The following CDON variants were observed in gnomAD, a reference collection of about 807,000 sequenced individuals.
The protein encoded by CDON is cell adhesion molecule-related/down-regulated by oncogenes.
CDON carries 73 observed loss-of-function variants against 120.9 expected under a neutral mutation model. The observed-to-expected ratio is 0.60, with a 90% confidence interval of 0.50 to 0.73. The LOEUF is 0.73. Ranked by LOEUF, CDON falls within the 30% of genes least tolerant of loss-of-function variation. The pLI is 0.00. For missense variants in CDON, 1,470 were observed against 1,587.3 expected, an observed-to-expected ratio of 0.93 and a Z score of 1.26; for synonymous variants, 566 against 573.5, an observed-to-expected ratio of 0.99 and a Z score of 0.19.
At chr11:125,970,172 GTTTTTTTTTT>G (rs36021097) in intron 18 of CDON, among the ~76,000 whole-genome samples, 1 of 103,186 alleles carries the variant, frequency 9.7e-6, no homozygotes, top group Non-Finnish European at 2.0e-5. Context: ...GGTAGTTTAT[GTTTTTTTTTT>G]TTTTTTTTTT....
Position 126,024,689 on chromosome 11 carries a change from T to C in CDON, c.-61-1152A>G, listed in dbSNP as rs148727178. Among the ~76,000 whole-genome samples, 579 of 152,208 alleles carry C rather than the reference T, an allele frequency of 3.8e-3. 5 individuals are homozygous for C. The highest frequency in any genetic ancestry group is 0.013 in the African/African-American group (529 of 41,518). On this transcript the variant is annotated intron_variant, in intron 1 of 19. Transcript: ENST00000531738. Reference sequence around the variant, plus strand: ...AGTTGCATGTGTGAGTGTGGAGCTGTAGGAAGAAGTCAGAGCTGGAAATGT... The same window carrying C: ...AGTTGCATGTGTGAGTGTGGAGCTGCAGGAAGAAGTCAGAGCTGGAAATGT...
At position 125,983,916 on chromosome 11, in the gene CDON, A is replaced by G. The variant is rs1423078383; in HGVS notation, c.2951T>C (p.Ile984Thr). Residue 984 changes from isoleucine to threonine, a missense_variant, in exon 16 of 20, where the codon ATT becomes ACT. Physicochemically the swap from Ile to Thr is moderately conservative, Grantham distance 89. Coordinates refer to ENST00000531738, the MANE Select transcript of CDON (RefSeq NM_001378964.1). Reference sequence around the variant, plus strand: ...GCGATTCTTCCACAGGCACATTGCAATGAAAACCATCAGAATGAGGACCAT... The same window carrying G: ...GCGATTCTTCCACAGGCACATTGCAGTGAAAACCATCAGAATGAGGACCAT... ...GVMVLILMVFIAMCLWKNRQQ... is the reference protein window; with the variant it reads ...GVMVLILMVFTAMCLWKNRQQ... The G allele has an allele frequency of 1.2e-6, 2 of 1,614,104 alleles. No individual in the cohort carries two copies. Among genetic ancestry groups the G allele is most frequent in the Admixed American group, 1.7e-5 (1 of 60,022 alleles).
rs988667927 is a variant in CDON, at chr11:126,000,569, C to T, written c.2158+1150G>A. 5.9e-5 allele frequency among the ~76,000 whole-genome samples: 9 copies of T among 152,312 alleles called. No individual in the cohort carries two copies. The South Asian group carries it at 1.2e-3, about 21-fold the overall frequency. ...GATTATTTTATCTTTGCTGTTCCAG[C>T]ATTTTATACAGTATCTGCCAGAGGG... is the stretch of plus-strand genomic sequence containing the variant. On this transcript the variant is annotated intron_variant, in intron 11 of 19. Coordinates refer to ENST00000531738, the MANE Select transcript of CDON (RefSeq NM_001378964.1).
chr11:125,991,775 G>A (rs898084654), intron 14 of CDON, among the ~76,000 whole-genome samples: 1 of 151,946 alleles, frequency 6.6e-6, no homozygotes, highest in Non-Finnish European at 1.5e-5. Flanking sequence ...TGAAAATATA[G>A]AATAAGCAAA....
chr11:126,002,619 A>C (rs1281024471), intron 10 of CDON, among the ~76,000 whole-genome samples: 2 of 152,166 alleles, frequency 1.3e-5, no homozygotes, highest in Non-Finnish European at 2.9e-5. Context: ...GCCCTGCAGA[A>C]AGAATATCCT....
chr11:125,975,380 GCCTT>G (rs1235392075), intron 18 of CDON, among the ~76,000 whole-genome samples: 1 of 152,070 alleles, frequency 6.6e-6, no homozygotes, highest in Admixed American at 6.5e-5. Context: ...TCAATAAAAG[GCCTT>G]GTTTATTAAA....
At position 126,024,289 on chromosome 11, in the gene CDON, T is replaced by C. The variant is rs568677736; in HGVS notation, c.-61-752A>G. Among the ~76,000 whole-genome samples, 25 of 152,322 alleles carry C rather than the reference T, an allele frequency of 1.6e-4. No homozygotes were observed. The South Asian group carries it at 4.6e-3, about 28-fold the overall frequency. On this transcript the variant is annotated intron_variant, in intron 1 of 19. Transcript: ENST00000531738. ...AAGGGGAATGATGTAATGTTATTTA[T>C]GCTTTAAAAAGATCACTGGCTGAAG...
chr11:126,019,541 G>A (rs1296485568), intron 4 of CDON, 78 bp downstream of exon 4: 2 of 1,491,206 alleles, frequency 1.3e-6, no homozygotes, highest in African/African-American at 2.8e-5. Flanking sequence ...TTCGTCCCTA[G>A]CACACAGAGC....
chr11:126,011,609 T>C (rs532643961), intron 7 of CDON, among the ~76,000 whole-genome samples: 1 of 152,266 alleles, frequency 6.6e-6, no homozygotes. Flanking sequence ...TCTCTGTATA[T>C]ACTAGATTCT....
At chr11:126,040,218 G>A (rs752937279) in intron 1 of CDON, among the ~76,000 whole-genome samples, 6 of 152,148 alleles carry the variant, frequency 3.9e-5, no homozygotes, top group Non-Finnish European at 7.4e-5. Flanking sequence ...CAGTTTTGCC[G>A]TGAATCTAAA....
intron 1 of CDON, among the ~76,000 whole-genome samples, chr11:126,025,368 GA>G (rs1370114205): frequency 6.6e-6 from 1 of 152,152 alleles, no homozygotes; most frequent in Non-Finnish European, 1.5e-5. Context: ...TTTCAGTGGA[GA>G]AAAGACAAAA....
intron 12 of CDON, among the ~76,000 whole-genome samples, chr11:125,996,946 G>A (rs1024463202): frequency 3.3e-5 from 5 of 152,052 alleles, no homozygotes; most frequent in Non-Finnish European, 7.4e-5. Context: ...GGAGACCGAG[G>A]GCGGCAAATT....
rs1275231624 is a variant in CDON at position 125,957,256 on chromosome 11, T to C, written c.*3686A>G. The C allele has an allele frequency of 6.6e-6, 1 of 152,220 alleles. No homozygotes were observed. The highest frequency in any genetic ancestry group is 1.5e-5 in the Non-Finnish European group (1 of 68,106). The allele number at this position is 152,220 out of a possible 1,614,324, so 9.4% of individuals were successfully genotyped here. Reference sequence around the variant, plus strand: ...ATGTTCTCAGCGTCCCCTAAAACACTTGCCCAAGATCCTGCTCCTTCAGGG... The same window carrying C: ...ATGTTCTCAGCGTCCCCTAAAACACCTGCCCAAGATCCTGCTCCTTCAGGG... On this transcript the variant is annotated 3_prime_UTR_variant, in exon 20 of 20. Transcript: ENST00000531738.
At chr11:126,037,698 T>C (rs1183345740) in intron 1 of CDON, among the ~76,000 whole-genome samples, 1 of 152,142 alleles carries the variant, frequency 6.6e-6, no homozygotes, top group Non-Finnish European at 1.5e-5. Context: ...GGATCCCTAA[T>C]TTTCTAAAAC....
intron 18 of CDON, among the ~76,000 whole-genome samples, chr11:125,968,129 C>T (rs1192945720): frequency 6.6e-6 from 1 of 152,002 alleles, no homozygotes; most frequent in Non-Finnish European, 1.5e-5. Context: ...CACATATTTG[C>T]CAGAATTTGA....
intron 7 of CDON, 74 bp downstream of exon 7, chr11:126,015,167 T>C (rs749950581): frequency 4.9e-5 from 69 of 1,407,912 alleles, no homozygotes; most frequent in Middle Eastern, 3.5e-4. Flanking sequence ...GTAAAAATAA[T>C]TTCATTTTTG....
At chr11:125,991,375 GAAAAGGTA>G (rs1054231195) in intron 14 of CDON, among the ~76,000 whole-genome samples, 2 of 152,128 alleles carry the variant, frequency 1.3e-5, no homozygotes, top group African/African-American at 4.8e-5. Context: ...GGATATTTTA[GAAAAGGTA>G]AGGCTTTACC....
intron 8 of CDON, among the ~76,000 whole-genome samples, chr11:126,008,616 T>A (rs768923569): frequency 5.6e-4 from 86 of 152,302 alleles, no homozygotes; most frequent in Middle Eastern, 6.8e-3. Flanking sequence ...CATAAAACTA[T>A]GACATCTGTC....
intron 12 of CDON, among the ~76,000 whole-genome samples, chr11:125,996,878 TA>T (rs1354359170): frequency 6.6e-6 from 1 of 151,452 alleles, no homozygotes; most frequent in African/African-American, 2.4e-5. Context: ...ATAAGACTAC[TA>T]AAAATATGCA....
Sources: allele counts gnomAD v4.1 joint callset (sites outside exome capture counted in the v4.1 genomes callset), GRCh38; gene constraint gnomAD v4.1.1; transcripts MANE v1.5; gene names NCBI Gene and HGNC (gene_info 2026-07-23, HGNC 2026-07-21).